The following ALK variants were observed in gnomAD, a reference collection of about 807,000 sequenced individuals.
ALK encodes the protein ALK tyrosine kinase receptor.
Under a neutral mutation model 163.1 loss-of-function variants are expected in ALK, and 74 were observed. The ratio of observed to expected loss-of-function variants is 0.45; its 90% confidence interval spans 0.38 to 0.55. ALK has a LOEUF of 0.55. Among genes scored for constraint, ALK ranks in the 20% least tolerant of loss-of-function variants. The probability of loss-of-function intolerance (pLI) is 0.00; values close to 1 mark genes in which losing one functional copy is unlikely to be tolerated. For missense variants in ALK, 2,063 were observed against 2,105.3 expected (o/e 0.98, Z 0.39); for synonymous variants, 960 against 843.2 (o/e 1.14, Z -2.40).
rs1317628687 is a variant in ALK, at chr2:29,589,719, G to A, written c.953-57603C>T. ...GCCTTCTCGTTCATGGTTACAGCTC[G>A]GGAAGTTACACTATCCCCATTTTAT... On this transcript the variant is annotated intron_variant, in intron 3 of 28. Coordinates refer to ENST00000389048, the MANE Select transcript of ALK (RefSeq NM_004304.5). Among the ~76,000 whole-genome samples, 3 of 152,092 alleles carry A rather than the reference G, an allele frequency of 2.0e-5. No homozygotes were observed. The East Asian group carries it at 5.8e-4, about 29-fold the overall frequency.
chr2:29,365,552 C>T (rs555115944), intron 5 of ALK, among the ~76,000 whole-genome samples: 2 of 152,302 alleles, frequency 1.3e-5, no homozygotes, highest in Admixed American at 1.3e-4. Flanking sequence ...ACAAGTGGTG[C>T]TTTCCAAAAA....
intron 24 of ALK, among the ~76,000 whole-genome samples, chr2:29,212,185 G>C (rs1669484642): frequency 6.6e-6 from 1 of 152,218 alleles, no homozygotes; most frequent in Non-Finnish European, 1.5e-5. Context: ...GACGCGGGTT[G>C]CTCTCATAGG....
chr2:29,718,792 G>T (rs1213394263), intron 1 of ALK, among the ~76,000 whole-genome samples: 1 of 152,214 alleles, frequency 6.6e-6, no homozygotes, highest in African/African-American at 2.4e-5. Flanking sequence ...ATGGTGAATG[G>T]GCTGACCTGC....
chr2:29,801,507 G>A (rs1389969060), intron 1 of ALK, among the ~76,000 whole-genome samples: 1 of 152,210 alleles, frequency 6.6e-6, no homozygotes, highest in African/African-American at 2.4e-5. Flanking sequence ...CCTGCATCGT[G>A]CATTCTGTAT....
chr2:29,315,360 T>C (rs1054901292), intron 8 of ALK, among the ~76,000 whole-genome samples: 5 of 152,140 alleles, frequency 3.3e-5, no homozygotes, highest in Non-Finnish European at 7.3e-5. Flanking sequence ...GGGGGGCTCC[T>C]GACCTGGTTT....
chr2:29,825,523 A>G (rs1225200448), intron 1 of ALK, among the ~76,000 whole-genome samples: 1 of 152,216 alleles, frequency 6.6e-6, no homozygotes, highest in Non-Finnish European at 1.5e-5. Flanking sequence ...CAACAGGGCT[A>G]GGCCATAGCA....
chr2:29,378,522 C>G (rs1235338989), intron 5 of ALK, among the ~76,000 whole-genome samples: 1 of 152,054 alleles, frequency 6.6e-6, no homozygotes, highest in East Asian at 1.9e-4. Flanking sequence ...ATTTCTCTAT[C>G]CATAATAATG....
intron 4 of ALK, among the ~76,000 whole-genome samples, chr2:29,505,618 G>C (rs1672297647): frequency 6.6e-6 from 1 of 151,998 alleles, no homozygotes; most frequent in African/African-American, 2.4e-5. Context: ...CTGGGCTCCT[G>C]GTTGTCCCAG....
chr2:29,624,714 C>A (rs1558414006), intron 3 of ALK, among the ~76,000 whole-genome samples: 1 of 152,194 alleles, frequency 6.6e-6, no homozygotes, highest in Non-Finnish European at 1.5e-5. Flanking sequence ...ATGTAATAAA[C>A]CTGCACGTAC....
intron 3 of ALK, among the ~76,000 whole-genome samples, chr2:29,617,539 A>G (rs1675882754): frequency 6.6e-6 from 1 of 152,232 alleles, no homozygotes; most frequent in Non-Finnish European, 1.5e-5. Flanking sequence ...GTGAGCACCC[A>G]GTGCTGACAA....
At chr2:29,205,895 C>G (rs1266584002) in intron 26 of ALK, among the ~76,000 whole-genome samples, 2 of 152,200 alleles carry the variant, frequency 1.3e-5, no homozygotes, top group East Asian at 3.8e-4. Flanking sequence ...GCACCTGTGC[C>G]CCACTTGGCA....
chr2:29,524,851 GTGGATGGA>G (rs1277406124), intron 4 of ALK, among the ~76,000 whole-genome samples: 4 of 151,584 alleles, frequency 2.6e-5, no homozygotes, highest in Admixed American at 2.6e-4. Context: ...AGATGGATGA[GTGGATGGA>G]TGGATGGATG....
chr2:29,278,334 T>C (rs1295574046), intron 9 of ALK, among the ~76,000 whole-genome samples: 1 of 151,874 alleles, frequency 6.6e-6, no homozygotes, highest in Non-Finnish European at 1.5e-5. Flanking sequence ...TCAGGGAAAA[T>C]GGAGAGCCAC....
chr2:29,278,402 T>C lies in ALK; in HGVS notation c.1818-2906A>G, dbSNP rs72852082. ...AAGACCTCTTAGAGGATAATTGTGA[T>C]GGGAGTAGTAAGCAGGATGGGGACC... is the stretch of plus-strand genomic sequence containing the variant. On this transcript the variant is annotated intron_variant, in intron 9 of 28. Transcript: ENST00000389048. 8.8e-3 allele frequency among the ~76,000 whole-genome samples: 1,345 copies of C among 152,138 alleles called. 14 individuals carry two copies. Among genetic ancestry groups the C allele is most frequent in the African/African-American group, 0.03 (1,250 of 41,492 alleles).
intron 4 of ALK, among the ~76,000 whole-genome samples, chr2:29,396,836 G>GTTTTTTGTTTTTTT: frequency 2.1e-5 from 1 of 46,618 alleles, no homozygotes; most frequent in Non-Finnish European, 3.5e-5. Context: ...TGTTACTATG[G>GTTTTTTGTTTTTTT]TTTTTTTTTT....
rs926903893 is a variant in ALK, at chr2:29,296,901, CG to C, written c.1803del (p.Asp602MetfsTer63). 2.5e-6 allele frequency: 4 copies of C among 1,614,028 alleles called. No individual in the cohort carries two copies. Among genetic ancestry groups the C allele is most frequent in the Admixed American group, 3.3e-5 (2 of 60,008 alleles). On this transcript the variant is annotated frameshift_variant, in exon 9 of 29. Coordinates refer to ENST00000389048, the MANE Select transcript of ALK (RefSeq NM_004304.5). LOFTEE classifies it high-confidence loss of function. ...SLWQWMVLPL[L>X]DVSDRFWLQM... is the part of the protein sequence containing the mutation. ...CATAGAGCCTACCTGTCAGACACAT[CG>C]AGGAGAGGCAACACCATCCACTGCC...
In ALK at chr2:29,414,080, C is replaced by T. The variant is rs191009067; in HGVS notation, c.1155-30221G>A. Among the ~76,000 whole-genome samples the T allele has an allele frequency of 1.1e-4, 17 of 152,306 alleles. 1 individual carries two copies. In the East Asian group the frequency reaches 3.3e-3, roughly 29 times the overall value. On this transcript the variant is annotated intron_variant, in intron 4 of 28. Transcript: ENST00000389048. ...ACCAGCATCATCACATACACATGAGCAATGCATTGTGTTATGAGGTTAGGA... is the reference window on the plus strand; with the variant it reads ...ACCAGCATCATCACATACACATGAGTAATGCATTGTGTTATGAGGTTAGGA...
chr2:29,584,834 T>C (rs1021163231), intron 3 of ALK, among the ~76,000 whole-genome samples: 1 of 152,248 alleles, frequency 6.6e-6, no homozygotes, highest in Admixed American at 6.5e-5. Flanking sequence ...CTGTTGAGTA[T>C]TGGTGTCTCT....
intron 9 of ALK, among the ~76,000 whole-genome samples, chr2:29,276,036 C>T (rs1665539142): frequency 6.6e-6 from 1 of 152,180 alleles, no homozygotes; most frequent in South Asian, 2.1e-4. Flanking sequence ...CACAGTTCCA[C>T]CAGTTCCCCT....
Sources: allele counts gnomAD v4.1 joint callset (sites outside exome capture counted in the v4.1 genomes callset), GRCh38; gene constraint gnomAD v4.1.1; transcripts MANE v1.5; gene names NCBI Gene and HGNC (gene_info 2026-07-23, HGNC 2026-07-21).